The following CMIP variants were observed in gnomAD, a reference collection of about 807,000 sequenced individuals.
The protein encoded by CMIP is c-Maf inducing protein.
CMIP carries 13 observed loss-of-function variants against 97.3 expected under a neutral mutation model. That is an observed-to-expected ratio of 0.13 (90% CI 0.09 to 0.21). The LOEUF is 0.21. Ranked by LOEUF, CMIP falls within the 10% of genes least tolerant of loss-of-function variation. CMIP has a pLI of 1.00. For synonymous variants in CMIP, 538 were observed against 436.3 expected (o/e 1.23, Z -2.91); for missense variants, 847 against 1,024.9 (o/e 0.83, Z 2.37).
intron 9 of CMIP, among the ~76,000 whole-genome samples, chr16:81,672,649 C>T (rs1317383277): frequency 6.6e-6 from 1 of 152,156 alleles, no homozygotes; most frequent in African/African-American, 2.4e-5. Flanking sequence ...AGTCATAGCT[C>T]ACTGCAGCCT....
At chr16:81,645,703 C>A in intron 3 of CMIP, 3 of 1,371,680 alleles carry the variant, frequency 2.2e-6, no homozygotes, top group African/African-American at 1.4e-5. Context: ...CTGCTTGCCG[C>A]TGGCTGGTGG....
At chr16:81,617,948 T>A (rs1026615680) in intron 2 of CMIP, among the ~76,000 whole-genome samples, 1 of 152,174 alleles carries the variant, frequency 6.6e-6, no homozygotes. Context: ...GATGTGGTTG[T>A]CCTCCTCCAC....
intron 1 of CMIP, among the ~76,000 whole-genome samples, chr16:81,510,295 G>T (rs1014309162): frequency 6.6e-6 from 1 of 152,134 alleles, no homozygotes; most frequent in Non-Finnish European, 1.5e-5. Flanking sequence ...GGTGTGAGTC[G>T]CCCAAGTGGG....
At chr16:81,668,850 T>TGCCTTCCACACCCACCTCA (rs1555547183) in intron 7 of CMIP, among the ~76,000 whole-genome samples, 12 of 120,816 alleles carry the variant, frequency 9.9e-5, no homozygotes, top group Admixed American at 4.8e-4. Context: ...CACCTCACAC[T>TGCCTTCCACACCCACCTCA]CACTGCCTTC....
intron 1 of CMIP, among the ~76,000 whole-genome samples, chr16:81,536,941 C>G (rs1312648105): frequency 6.6e-6 from 1 of 152,236 alleles, no homozygotes; most frequent in African/African-American, 2.4e-5. Flanking sequence ...AGCCGTTGCT[C>G]TCCCCAGGGG....
chr16:81,699,587 A>T (rs1907156401), intron 14 of CMIP, 98 bp from the exon 15 acceptor site: 1 of 725,296 alleles, frequency 1.4e-6, no homozygotes, highest in Non-Finnish European at 2.4e-6. Context: ...GCGTGTAGGC[A>T]GGTCTGTTCA....
At chr16:81,524,721 A>G (rs1488988338) in intron 1 of CMIP, among the ~76,000 whole-genome samples, 3 of 152,204 alleles carry the variant, frequency 2.0e-5, no homozygotes, top group Non-Finnish European at 4.4e-5. Context: ...GTCAGTCACA[A>G]GTGAGGCTGT....
chr16:81,632,588 C>T (rs1224051041), intron 3 of CMIP, among the ~76,000 whole-genome samples: 1 of 152,174 alleles, frequency 6.6e-6, no homozygotes, highest in African/African-American at 2.4e-5. Flanking sequence ...GAGTTTCTGA[C>T]AGGAAGGAGA....
chr16:81,711,355 C>T lies in CMIP; in HGVS notation c.*1556C>T, dbSNP rs570523545. ...TGCTAGGTAGACTTTATTACCCCCC[C>T]ACTATGCCCTCATTTTTTTAAAAAA... On this transcript the variant is annotated 3_prime_UTR_variant, in exon 21 of 21. Coordinates refer to ENST00000537098, the MANE Select transcript of CMIP (RefSeq NM_198390.3). 3.3e-5 allele frequency: 5 copies of T among 152,290 alleles called. No homozygotes were observed. In the South Asian group the frequency reaches 1.0e-3, roughly 32 times the overall value. The allele number at this position is 152,290 out of a possible 1,614,324, so 9.4% of individuals were successfully genotyped here. A position where few individuals can be genotyped will look rare whatever the true frequency, so the allele number is the denominator to read the frequency against.
At chr16:81,450,636 TGA>T (rs1454985329) in intron 1 of CMIP, among the ~76,000 whole-genome samples, 1 of 152,196 alleles carries the variant, frequency 6.6e-6, no homozygotes, top group Non-Finnish European at 1.5e-5. Flanking sequence ...GAGAGTTCCC[TGA>T]GATGAATAGT....
chr16:81,552,027 CAGGG>C (rs1326916348), intron 1 of CMIP, among the ~76,000 whole-genome samples: 2 of 152,186 alleles, frequency 1.3e-5, no homozygotes, highest in Non-Finnish European at 2.9e-5. Context: ...GCCTCGGCGG[CAGGG>C]GCAGGGAGGA....
intron 1 of CMIP, among the ~76,000 whole-genome samples, chr16:81,483,599 T>TCTCCCTCTC (rs1567538157): frequency 4.8e-5 from 7 of 145,594 alleles, no homozygotes; most frequent in African/African-American, 1.8e-4. Context: ...CTCTTCCTCT[T>TCTCCCTCTC]CCTCTCCCTC....
At position 81,711,070 on chromosome 16, in the gene CMIP, G is replaced by A. The variant is rs1908719652; in HGVS notation, c.*1271G>A. ...CCACTGCAACGAAGACACTCCTTCT[G>A]TCCCCACCTGCTCCGAAGACAAACC... On this transcript the variant is annotated 3_prime_UTR_variant, in exon 21 of 21. Transcript: ENST00000537098. 8.2e-6 allele frequency: 1 copy of A among 122,376 alleles called. No individual in the cohort carries two copies. The highest frequency in any genetic ancestry group is 2.3e-4 in the East Asian group (1 of 4,316). The allele number at this position is 122,376 out of a possible 1,614,324, so 7.6% of individuals were successfully genotyped here. A position where few individuals can be genotyped will look rare whatever the true frequency, so the allele number is the denominator to read the frequency against.
chr16:81,471,380 G>A (rs1241915405), intron 1 of CMIP, among the ~76,000 whole-genome samples: 1 of 151,824 alleles, frequency 6.6e-6, no homozygotes, highest in Non-Finnish European at 1.5e-5. Flanking sequence ...GTGTATACAT[G>A]TGCATATGCA....
At position 81,577,896 on chromosome 16, in the gene CMIP, C is replaced by T. The variant is rs112107405; in HGVS notation, c.301-29671C>T. 2.1e-3 allele frequency among the ~76,000 whole-genome samples: 282 copies of T among 134,982 alleles called. 4 individuals are homozygous for T. The highest frequency in any genetic ancestry group is 3.9e-3 in the Middle Eastern group (1 of 254). The allele number at this position is 134,982 out of a possible 152,430, so 88.6% of individuals were successfully genotyped here. A position where few individuals can be genotyped will look rare whatever the true frequency, so the allele number is the denominator to read the frequency against. On this transcript the variant is annotated intron_variant, in intron 1 of 20. Transcript: ENST00000537098. ...ATCACCATCATCCCCATTACCACTACGCTATTATCACTGTCACCATCACCA... is the reference window on the plus strand; with the variant it reads ...ATCACCATCATCCCCATTACCACTATGCTATTATCACTGTCACCATCACCA...
chr16:81,569,817 C>T (rs138397491), intron 1 of CMIP, among the ~76,000 whole-genome samples: 17 of 152,302 alleles, frequency 1.1e-4, no homozygotes, highest in African/African-American at 3.8e-4. Flanking sequence ...TCGGTTTTCT[C>T]ATCTGTAAAA....
chr16:81,464,501 CA>C (rs1363675833), intron 1 of CMIP: 1 of 151,608 alleles, frequency 6.6e-6, no homozygotes, highest in African/African-American at 2.4e-5. Flanking sequence ...AGGTCTCATT[CA>C]TTCATTCATT....
intron 1 of CMIP, among the ~76,000 whole-genome samples, chr16:81,477,103 G>C (rs574876771): frequency 3.3e-5 from 5 of 152,176 alleles, no homozygotes; most frequent in Admixed American, 3.3e-4. Flanking sequence ...ATGGCAGCTG[G>C]TTGTGTCTAT....
At chr16:81,515,003 A>G (rs991187444) in intron 1 of CMIP, among the ~76,000 whole-genome samples, 1 of 152,200 alleles carries the variant, frequency 6.6e-6, no homozygotes, top group African/African-American at 2.4e-5. Context: ...TGCCAGGCCC[A>G]ACAGCCCTGG....
Sources: allele counts gnomAD v4.1 joint callset (sites outside exome capture counted in the v4.1 genomes callset), GRCh38; gene constraint gnomAD v4.1.1; transcripts MANE v1.5; gene names NCBI Gene and HGNC (gene_info 2026-07-23, HGNC 2026-07-21).